The following GPRIN1 variants were observed in gnomAD, a reference collection of about 807,000 sequenced individuals.
GPRIN1 encodes G protein regulated inducer of neurite outgrowth 1, also known as G protein-regulated inducer of neurite outgrowth 1.
A neutral mutation model predicts 2.8 loss-of-function variants in GPRIN1; 4 were observed. The ratio of observed to expected loss-of-function variants is 1.45; its 90% CI spans 0.71 to 3.32. The LOEUF (loss-of-function observed/expected upper bound fraction) is 3.32, where lower values mean the gene tolerates loss of function less well. Ranked by LOEUF, GPRIN1 falls within the 30% of genes most tolerant of loss-of-function variation. The pLI, the probability that GPRIN1 is intolerant of heterozygous loss-of-function variation, is 0.01. For synonymous variants in GPRIN1, 589 were observed against 589.9 expected (o/e 1.00, Z 0.02); for missense variants, 1,322 against 1,343.4 (o/e 0.98, Z 0.25).
Position 176,596,852 on chromosome 5 carries a change from G to C in GPRIN1, c.2983C>G (p.Arg995Gly). The change falls in exon 2 of 2, where the codon CGC becomes GGC. Residue 995 changes from arginine (R) to glycine (G), a missense_variant. Physicochemically the swap from Arg to Gly is moderately radical, Grantham distance 125. Transcript: ENST00000303991. This position sits in a 1 kb window ranked among gnomAD's most constrained non-coding sequence, Gnocchi z 5.2. The part of the protein sequence containing the change: ...GLFRALLQSV[R>G]RPRCCSRAGP... ...GCCCGCGAGCAGCACCGCGGCCGGC[G>C]CACACTCTGCAGCAGCGCGCGGAAC... 1.4e-6 allele frequency: 2 copies of C among 1,404,088 alleles called. No individual in the cohort carries two copies. Among genetic ancestry groups the C allele is most frequent in the East Asian group, 5.6e-5 (2 of 35,940 alleles). 87.0% of individuals were successfully genotyped at this position (1,404,088 alleles called of 1,614,324 possible).
Position 176,599,794 on chromosome 5 carries a change from T to C in GPRIN1, c.41A>G (p.Gln14Arg). 1 of 1,503,930 alleles carries C rather than the reference T, an allele frequency of 6.6e-7. No individual in the cohort carries two copies. The highest frequency in any genetic ancestry group is 2.3e-5 in the East Asian group (1 of 43,606). The allele number at this position is 1,503,930 out of a possible 1,614,324, so 93.2% of individuals were successfully genotyped here. Residue 14 changes from glutamine (Q) to arginine (R), a missense_variant, in exon 2 of 2, where the codon CAA becomes CGA. Gln to Arg is a conservative substitution (Grantham distance 43). Transcript: ENST00000303991. ...GGGTCCTGGGGGGCTGGAATCCTTT[T>C]GAAGCAGCTGGAGCCAGGCCGGGTC... ...AEDPAWLQLL[Q>R]KDSSPPGPRP...
Position 176,597,221 on chromosome 5 carries a change from C to T in GPRIN1, c.2614G>A (p.Ala872Thr). The stretch of plus-strand genomic sequence containing the variant: ...GCTTGAGGTGTCATGGGCCCAGTGG[C>T]CACGGAGCGCGTCTCGGCGGCGCCC... The part of the protein sequence containing the change: ...SLGAAETRSV[A>T]TGPMTPQAAA... The change falls in exon 2 of 2, where the codon GCC (alanine) becomes ACC (threonine). Residue 872 changes from alanine to threonine, a missense_variant. Physicochemically the swap from Ala to Thr is moderately conservative, Grantham distance 58. Transcript: ENST00000303991. This position sits in a 1 kb window ranked among gnomAD's most constrained non-coding sequence, Gnocchi z 6.1. 7.9e-7 allele frequency: 1 copy of T among 1,267,530 alleles called. No homozygotes were observed. The allele number at this position is 1,267,530 out of a possible 1,614,324, so 78.5% of individuals were successfully genotyped here.
Position 176,596,732 on chromosome 5 carries a change from G to C in GPRIN1, c.*76C>G. The C allele has an allele frequency of 8.0e-7, 1 of 1,247,978 alleles. No homozygotes were observed. Among genetic ancestry groups the C allele is most frequent in the Admixed American group, 3.2e-5 (1 of 31,318 alleles). 77.3% of individuals were successfully genotyped at this position (1,247,978 alleles called of 1,614,324 possible). A position where few individuals can be genotyped will look rare whatever the true frequency, so the allele number is the denominator to read the frequency against. ...TCGGAGGCCTGTGGCACGCAGAGGG[G>C]ACCCCTTCTAGGGGCCTGTGATCAA... On this transcript the variant is annotated 3_prime_UTR_variant, in exon 2 of 2. Transcript: ENST00000303991. This position sits in a 1 kb window ranked among gnomAD's most constrained non-coding sequence, Gnocchi z 5.2.
intron 1 of GPRIN1, among the ~76,000 whole-genome samples, chr5:176,601,929 T>C (rs1394495577): frequency 6.6e-6 from 1 of 152,160 alleles, no homozygotes; most frequent in African/African-American, 2.4e-5. Context: ...AGAGGGATCT[T>C]AGTAAAACCC....
rs1011228911 is a variant in GPRIN1, at chr5:176,598,822, G to A, written c.1013C>T (p.Ala338Val). The A allele has an allele frequency of 7.4e-6, 12 of 1,613,304 alleles. No individual in the cohort carries two copies. Among genetic ancestry groups the A allele is most frequent in the Non-Finnish European group, 1.0e-5 (12 of 1,179,886 alleles). Reference protein sequence around the residue: ...KNGPVSSGTGAPGSLGRLDPT... With the variant: ...KNGPVSSGTGVPGSLGRLDPT... ...ATCCAGCCTTCCCAAGGACCCAGGA[G>A]CCCCGGTCCCAGAGGATACAGGCCC... is the stretch of plus-strand genomic sequence containing the variant. Residue 338 changes from alanine to valine, a missense_variant, in exon 2 of 2, where the codon GCT (alanine) becomes GTT (valine). Transcript: ENST00000303991.
chr5:176,606,314 G>A (rs1034334472), intron 1 of GPRIN1, among the ~76,000 whole-genome samples: 1 of 152,188 alleles, frequency 6.6e-6, no homozygotes. Context: ...CTCCCAGGAG[G>A]GGGCAGGGGA....
chr5:176,607,901 CTCTTTTTTTTTTTTTTTTTTT>C (rs1759246388), intron 1 of GPRIN1, among the ~76,000 whole-genome samples: 4 of 95,906 alleles, frequency 4.2e-5, no homozygotes, highest in African/African-American at 1.5e-4. Flanking sequence ...TGACACTTGG[CTCTTTTTTTTTTTTTTTTTTT>C]TTTTTTTTTT....
intron 1 of GPRIN1, among the ~76,000 whole-genome samples, chr5:176,608,568 CTTG>C: frequency 6.6e-6 from 1 of 152,358 alleles, no homozygotes; most frequent in East Asian, 1.9e-4. Flanking sequence ...TCAAGAAGAG[CTTG>C]TTGTGCGTAT....
chr5:176,597,794 G>A lies in GPRIN1; in HGVS notation c.2041C>T (p.Leu681Phe). ...ACAGGCTCTCCCTTCCCTGAGGCAA[G>A]GGGCTCTGCTTTTCTGCAGGATCCA... is the stretch of plus-strand genomic sequence containing the variant. The part of the protein sequence containing the change: ...DPGSCRKAEP[L>F]ASGKGEPVSL... The change falls in exon 2 of 2, where the codon CTT (leucine) becomes TTT (phenylalanine). Residue 681 changes from leucine to phenylalanine, a missense_variant. This residue lies in a region of GPRIN1 where 1,117 missense variants were observed against 1,128.6 expected (regional missense o/e 0.99). Transcript: ENST00000303991. The surrounding 1 kb of genome is among the most constrained non-coding windows in gnomAD (Gnocchi z 6.1). 2 of 1,603,548 alleles carry A rather than the reference G, an allele frequency of 1.2e-6. No homozygotes were observed. The highest frequency in any genetic ancestry group is 1.7e-6 in the Non-Finnish European group (2 of 1,174,694).
intron 1 of GPRIN1, among the ~76,000 whole-genome samples, chr5:176,603,604 G>T (rs1759179621): frequency 6.6e-6 from 1 of 152,178 alleles, no homozygotes; most frequent in Non-Finnish European, 1.5e-5. Context: ...ACAGGAAGAG[G>T]AACAGTTTTG....
At position 176,602,094 on chromosome 5, in the gene GPRIN1, A is replaced by G. The variant is rs1427569415; in HGVS notation, c.-43-2217T>C. On this transcript the variant is annotated intron_variant, in intron 1 of 1. Transcript: ENST00000303991. The surrounding 1 kb of genome is among the most constrained non-coding windows in gnomAD (Gnocchi z 4.4). Reference sequence around the variant, plus strand: ...TCTGCTGCTGCTCTCCCTCTCCCTCACGCTGCTTCAGCCACGCGGGGTGCC... The same window carrying G: ...TCTGCTGCTGCTCTCCCTCTCCCTCGCGCTGCTTCAGCCACGCGGGGTGCC... Among the ~76,000 whole-genome samples the G allele has an allele frequency of 6.6e-6, 1 of 151,866 alleles. No individual in the cohort carries two copies. Among genetic ancestry groups the G allele is most frequent in the African/African-American group, 2.4e-5 (1 of 41,336 alleles).
At position 176,598,434 on chromosome 5, in the gene GPRIN1, T is replaced by TATGG; in HGVS notation, c.1397_1400dup (p.Ser468HisfsTer6). 6.2e-7 allele frequency: 1 copy of TATGG among 1,614,048 alleles called. No homozygotes were observed. Among genetic ancestry groups the TATGG allele is most frequent in the Non-Finnish European group, 8.5e-7 (1 of 1,179,988 alleles). On this transcript the variant is annotated frameshift_variant, in exon 2 of 2. Coordinates refer to ENST00000303991, the MANE Select transcript of GPRIN1 (RefSeq NM_052899.3). LOFTEE classifies it low-confidence loss of function (END_TRUNC). ...ATGATGTCTTTCTACTTCCAGCAGA[T>TATGG]ATGGGGTCCTCCCTTCTGGAGGACA...
In GPRIN1 at chr5:176,599,562, C is replaced by T. The variant is rs1759115132; in HGVS notation, c.273G>A (p.Leu91=). Residue 91 remains leucine, a synonymous_variant, in exon 2 of 2, where the codon CTG becomes CTA. Coordinates refer to ENST00000303991, the MANE Select transcript of GPRIN1 (RefSeq NM_052899.3). ...AGAAGCAGGTTGGGGAGGGGCAGGC[C>T]AGGCTCCCTCTGGGGCCGTCAGAGC... ...ASCSDGPRGS[L]ACPSPTCFSP... 6.3e-7 allele frequency: 1 copy of T among 1,579,946 alleles called. No individual in the cohort carries two copies.
At position 176,598,071 on chromosome 5, in the gene GPRIN1, C is replaced by T. The variant is rs748890978; in HGVS notation, c.1764G>A (p.Gly588=). ...TPGKTVPVPS[G]KVDPVSLGKA... Reference sequence around the variant, plus strand: ...TTCCCAGGGACACGGGATCCACCTTCCCCGAGGGCACCGGGACTGTTTTTC... The same window carrying T: ...TTCCCAGGGACACGGGATCCACCTTTCCCGAGGGCACCGGGACTGTTTTTC... Residue 588 remains glycine, a synonymous_variant, in exon 2 of 2, where the codon GGG becomes GGA. Transcript: ENST00000303991. The T allele has an allele frequency of 1.5e-5, 25 of 1,613,986 alleles. No homozygotes were observed. The highest frequency in any genetic ancestry group is 2.0e-5 in the Non-Finnish European group (24 of 1,180,012).
intron 1 of GPRIN1, among the ~76,000 whole-genome samples, chr5:176,603,355 G>A (rs77705805): frequency 0.013 from 2,007 of 152,116 alleles, 47 homozygotes; most frequent in East Asian, 0.12. Context: ...TCAGATCTCC[G>A]TTAAAACACC....
In GPRIN1 at chr5:176,597,922, G is replaced by C; in HGVS notation, c.1913C>G (p.Ala638Gly). The C allele has an allele frequency of 1.2e-6, 2 of 1,613,944 alleles. No individual in the cohort carries two copies. Among genetic ancestry groups the C allele is most frequent in the Non-Finnish European group, 1.7e-6 (2 of 1,180,008 alleles). The change falls in exon 2 of 2, where the codon GCA becomes GGA. Residue 638 changes from alanine (A) to glycine (G), a missense_variant. Ala to Gly is a moderately conservative substitution (Grantham distance 60, BLOSUM62 0). Coordinates refer to ENST00000303991, the MANE Select transcript of GPRIN1 (RefSeq NM_052899.3). The surrounding 1 kb of genome is among the most constrained non-coding windows in gnomAD (Gnocchi z 6.1). Reference protein sequence around the residue: ...GKAQPQSGGKAETKLPGQEGA... With the variant: ...GKAQPQSGGKGETKLPGQEGA... ...CTCTTGCCCAGGGAGCTTTGTTTCT[G>C]CTTTGCCACCAGACTGCGGCTGTGC... is the stretch of plus-strand genomic sequence containing the variant.
rs151254824 is a variant in GPRIN1, at chr5:176,599,160, C to T, written c.675G>A (p.Thr225=). ...CCTCCTTCCTCGGTGACACTGTATA[C>T]GTCTTGCTGGAGCACAAAGGATCTA... ...GKVDPLCSSK[T]YTVSPRKEDP... is the part of the protein sequence containing the mutation. Residue 225 remains threonine (T), a synonymous_variant, in exon 2 of 2, where the codon ACG becomes ACA. Transcript: ENST00000303991. 145 of 1,613,236 alleles carry T rather than the reference C, an allele frequency of 9.0e-5. No individual in the cohort carries two copies. The African/African-American group carries it at 1.5e-3, about 17-fold the overall frequency.
chr5:176,607,595 C>T (rs371578952), intron 1 of GPRIN1, among the ~76,000 whole-genome samples: 1 of 152,176 alleles, frequency 6.6e-6, no homozygotes, highest in African/African-American at 2.4e-5. Flanking sequence ...CCACCCACCT[C>T]GGCCTCTCAA....
chr5:176,597,331 G>C lies in GPRIN1; in HGVS notation c.2504C>G (p.Ala835Gly), dbSNP rs1759057008. 8.0e-7 allele frequency: 1 copy of C among 1,243,376 alleles called. No individual in the cohort carries two copies. The highest frequency in any genetic ancestry group is 1.0e-6 in the Non-Finnish European group (1 of 995,864). The allele number at this position is 1,243,376 out of a possible 1,614,324, so 77.0% of individuals were successfully genotyped here. The change falls in exon 2 of 2, where the codon GCT becomes GGT. Residue 835 changes from alanine to glycine, a missense_variant. Coordinates refer to ENST00000303991, the MANE Select transcript of GPRIN1 (RefSeq NM_052899.3). The surrounding 1 kb of genome is among the most constrained non-coding windows in gnomAD (Gnocchi z 6.1). ...AVSPMSPQDG[A>G]GGSAFSFQAA... ...CTGGAAGCTGAAGGCCGAGCCCCCA[G>C]CGCCGTCCTGCGGAGACATGGGGCT...
Sources: allele counts gnomAD v4.1 joint callset (sites outside exome capture counted in the v4.1 genomes callset), GRCh38; gene constraint gnomAD v4.1.1; regional missense constraint gnomAD v4.1.1; non-coding constraint Gnocchi (gnomAD v3.1); transcripts MANE v1.5; gene names NCBI Gene and HGNC (gene_info 2026-07-23, HGNC 2026-07-21).